The following DCDC1 variants were observed in gnomAD, a reference collection of about 807,000 sequenced individuals.
DCDC1 encodes doublecortin domain containing 1, also known as doublecortin domain-containing protein 1.
In DCDC1, 200 loss-of-function variants were observed where a neutral mutation model predicts 178.3. That is an observed-to-expected ratio of 1.12 (90% CI 1.00 to 1.26). The LOEUF is 1.26. Ranked by LOEUF, DCDC1 falls within the 50% of genes most tolerant of loss-of-function variation. DCDC1 has a pLI of 0.00. For synonymous variants in DCDC1, 690 were observed against 604.8 expected, an observed-to-expected ratio of 1.14 and a Z score of -2.07; for missense variants, 1,983 against 1,749.2, an observed-to-expected ratio of 1.13 and a Z score of -2.38.
chr11:30,898,528 G>A (rs116910050), intron 34 of DCDC1, among the ~76,000 whole-genome samples: 228 of 152,258 alleles, frequency 1.5e-3, no homozygotes, highest in Non-Finnish European at 2.8e-3. Flanking sequence ...GGTTTTTGAG[G>A]AGGAACACCT....
chr11:31,298,586 T>C (rs887167030), intron 6 of DCDC1, among the ~76,000 whole-genome samples: 5 of 152,242 alleles, frequency 3.3e-5, no homozygotes, highest in Non-Finnish European at 7.3e-5. Flanking sequence ...CCATAGATTA[T>C]ATTTTATTTG....
chr11:31,006,859 G>C (rs1951875881), intron 20 of DCDC1, among the ~76,000 whole-genome samples: 3 of 152,092 alleles, frequency 2.0e-5, no homozygotes, highest in South Asian at 4.1e-4. Flanking sequence ...TATACCACTT[G>C]ATTATGGTAG....
At chr11:30,958,421 G>A (rs1324270224) in intron 20 of DCDC1, among the ~76,000 whole-genome samples, 1 of 152,074 alleles carries the variant, frequency 6.6e-6, no homozygotes, top group Non-Finnish European at 1.5e-5. Context: ...CAGATTAAGA[G>A]ACCCATTTTA....
chr11:31,090,355 G>T (rs2135657425), intron 17 of DCDC1, among the ~76,000 whole-genome samples: 1 of 152,196 alleles, frequency 6.6e-6, no homozygotes, highest in Middle Eastern at 3.4e-3. Flanking sequence ...TCTACTTTCA[G>T]GTTATAGGGC....
intron 20 of DCDC1, among the ~76,000 whole-genome samples, chr11:30,978,646 T>G (rs1410557396): frequency 1.3e-5 from 2 of 152,310 alleles, no homozygotes; most frequent in East Asian, 3.9e-4. Flanking sequence ...TCCTTTTAGC[T>G]GTTTTGAAAT....
intron 20 of DCDC1, among the ~76,000 whole-genome samples, chr11:31,041,687 G>A (rs962999137): frequency 6.6e-6 from 1 of 151,964 alleles, no homozygotes; most frequent in Non-Finnish European, 1.5e-5. Context: ...TATCAACTGA[G>A]GAATTATACC....
At chr11:31,279,563 TA>T (rs1284476383) in intron 7 of DCDC1, among the ~76,000 whole-genome samples, 5 of 152,048 alleles carry the variant, frequency 3.3e-5, no homozygotes, top group East Asian at 1.9e-4. Flanking sequence ...TATGCAGCCA[TA>T]AAAAAAGGAT....
chr11:30,976,024 G>A (rs1316390191), intron 20 of DCDC1, among the ~76,000 whole-genome samples: 1 of 152,088 alleles, frequency 6.6e-6, no homozygotes, highest in African/African-American at 2.4e-5. Context: ...ATGGACCAAT[G>A]AAGCAGAAAG....
chr11:31,342,610 G>A (rs1422694913), intron 1 of DCDC1, among the ~76,000 whole-genome samples: 1 of 152,144 alleles, frequency 6.6e-6, no homozygotes, highest in Non-Finnish European at 1.5e-5. Flanking sequence ...TTCATGATAG[G>A]AGGGGTGAGG....
At chr11:31,299,401 T>G (rs1035420229) in intron 6 of DCDC1, among the ~76,000 whole-genome samples, 8 of 152,194 alleles carry the variant, frequency 5.3e-5, no homozygotes, top group Admixed American at 6.5e-5. Context: ...TCTATGAACT[T>G]TCTTTAAATA....
At chr11:31,362,864 C>A (rs540547872) in intron 1 of DCDC1, among the ~76,000 whole-genome samples, 1 of 152,202 alleles carries the variant, frequency 6.6e-6, no homozygotes, top group African/African-American at 2.4e-5. Context: ...CATACAAGAC[C>A]TGTTTTTCTC....
intron 21 of DCDC1, among the ~76,000 whole-genome samples, chr11:30,934,137 A>C (rs1218341727): frequency 6.6e-6 from 1 of 152,218 alleles, no homozygotes; most frequent in Admixed American, 6.5e-5. Context: ...AGTTAATCCA[A>C]TTCACAATCT....
At chr11:30,961,016 C>T (rs1949064235) in intron 20 of DCDC1, among the ~76,000 whole-genome samples, 1 of 152,028 alleles carries the variant, frequency 6.6e-6, no homozygotes, top group Non-Finnish European at 1.5e-5. Context: ...ACAGTTATCT[C>T]CTCTCTCAAA....
intron 1 of DCDC1, among the ~76,000 whole-genome samples, chr11:31,347,988 C>A (rs1270022929): frequency 1.4e-4 from 21 of 152,158 alleles, no homozygotes; most frequent in Admixed American, 1.4e-3. Flanking sequence ...AATAAATACA[C>A]ACTTGTCTAT....
At chr11:30,894,505 T>A in intron 34 of DCDC1, 121 bp from the exon 35 acceptor site, 1 of 1,361,030 alleles carries the variant, frequency 7.3e-7, no homozygotes, top group Non-Finnish European at 9.8e-7. Flanking sequence ...AAATACTAAA[T>A]ATATCATAAA....
At chr11:30,960,245 G>A (rs1055024027) in intron 20 of DCDC1, among the ~76,000 whole-genome samples, 3 of 152,054 alleles carry the variant, frequency 2.0e-5, no homozygotes, top group Admixed American at 6.6e-5. Context: ...TCACATCTTA[G>A]TTTACTTCTA....
chr11:31,007,217 A>G (rs1030862095), intron 20 of DCDC1, among the ~76,000 whole-genome samples: 1 of 152,250 alleles, frequency 6.6e-6, no homozygotes, highest in Non-Finnish European at 1.5e-5. Flanking sequence ...ATATGGGACA[A>G]GAAAAGGAGT....
rs932036102 is a variant in DCDC1, at chr11:31,192,031, C to T, written c.1221+49419G>A. On this transcript the variant is annotated intron_variant, in intron 9 of 38. Transcript: ENST00000684477. ...GGATAAATGGCACAATCTTATCATACAAACCAGAAACCAGGGAGCCATGCC... is the reference window on the plus strand; with the variant it reads ...GGATAAATGGCACAATCTTATCATATAAACCAGAAACCAGGGAGCCATGCC... 3.3e-5 allele frequency among the ~76,000 whole-genome samples: 5 copies of T among 152,046 alleles called. No homozygotes were observed. In the East Asian group the frequency reaches 9.6e-4, roughly 29 times the overall value.
chr11:30,894,241 A>C lies in DCDC1; in HGVS notation c.4902+7T>G, dbSNP rs1489138975. 5 of 1,609,452 alleles carry C rather than the reference A, an allele frequency of 3.1e-6. No homozygotes were observed. The Admixed American group carries it at 6.8e-5, about 22-fold the overall frequency. ...GTCTTTAATGTCCAGAATCCCAAAG[A>C]ACATACCTCTGTATGTCTTATAAGT... On this transcript the variant is annotated splice_region_variant and intron_variant, in intron 35 of 38. Transcript: ENST00000684477.
Sources: gnomAD v4.1 joint callset for allele counts (sites outside exome capture counted in the v4.1 genomes callset) on GRCh38, gnomAD v4.1.1 for gene constraint, MANE v1.5 for transcripts, NCBI Gene and HGNC (gene_info 2026-07-23, HGNC 2026-07-21) for gene names.